PTPRG: variants seen among roughly 807,000 people sequenced by gnomAD.
PTPRG encodes the protein protein tyrosine phosphatase receptor type G.
PTPRG carries 102 observed loss-of-function variants against 165.3 expected under a neutral mutation model. The ratio of observed to expected loss-of-function variants is 0.62; its 90% CI spans 0.53 to 0.73. PTPRG has a LOEUF of 0.73. Ranked by LOEUF, PTPRG falls within the 30% of genes least tolerant of loss-of-function variation. The pLI is 0.00. For synonymous variants in PTPRG, 675 were observed against 669.5 expected (o/e 1.01, Z -0.13); for missense variants, 1,866 against 1,861.4 (o/e 1.00, Z -0.05).
intron 1 of PTPRG, 122 bp downstream of exon 1, chr3:61,562,494 C>T (rs1214827174): frequency 1.2e-5 from 10 of 835,348 alleles, no homozygotes; most frequent in South Asian, 1.5e-5. Context: ...GGAGGGTGGC[C>T]CGGCGCCCGG....
rs530298969 is a variant in PTPRG at position 61,784,850 on chromosome 3, T to C, written c.190+35868T>C. Among the ~76,000 whole-genome samples, 11 of 152,324 alleles carry C rather than the reference T, an allele frequency of 7.2e-5. No individual in the cohort carries two copies. The East Asian group carries it at 2.1e-3, about 29-fold the overall frequency. ...TGAAAATTTACCTCTCCGTCTGTAATTTCTGTGGTGTGCTCAAGAACAGCT... is the reference window on the plus strand; with the variant it reads ...TGAAAATTTACCTCTCCGTCTGTAACTTCTGTGGTGTGCTCAAGAACAGCT... On this transcript the variant is annotated intron_variant, in intron 2 of 29. Transcript: ENST00000474889.
At chr3:62,140,562 A>G (rs999436055) in intron 6 of PTPRG, among the ~76,000 whole-genome samples, 1 of 152,092 alleles carries the variant, frequency 6.6e-6, no homozygotes, top group Non-Finnish European at 1.5e-5. Context: ...AGTGGGGAGG[A>G]GGGGCCGGGT....
chr3:61,749,564 T>G (rs1371151304), intron 2 of PTPRG: 1 of 155,628 alleles, frequency 6.4e-6, no homozygotes, highest in Non-Finnish European at 1.4e-5. Flanking sequence ...AATGTTACAT[T>G]GCAAATAATT....
intron 2 of PTPRG, among the ~76,000 whole-genome samples, chr3:61,812,123 G>T (rs773285547): frequency 1.3e-5 from 2 of 152,178 alleles, no homozygotes; most frequent in Admixed American, 1.3e-4. Flanking sequence ...AGGATGAAGA[G>T]ATGCTTGTAC....
At chr3:62,220,465 T>C (rs1408075497) in intron 13 of PTPRG, among the ~76,000 whole-genome samples, 1 of 152,106 alleles carries the variant, frequency 6.6e-6, no homozygotes, top group Non-Finnish European at 1.5e-5. Context: ...TCATTGTGTA[T>C]AGATCTATTT....
chr3:61,641,755 T>G (rs1702068275), intron 1 of PTPRG, among the ~76,000 whole-genome samples: 1 of 152,022 alleles, frequency 6.6e-6, no homozygotes, highest in African/African-American at 2.4e-5. Flanking sequence ...TTGGAAGGAG[T>G]GGGCCCAAAT....
rs56828286 is a variant in PTPRG, at chr3:62,077,997, C to CAAA, written c.520-149_520-147dup. Among the ~76,000 whole-genome samples, 62 of 94,360 alleles carry CAAA rather than the reference C, an allele frequency of 6.6e-4. 1 individual carries two copies. The highest frequency in any genetic ancestry group is 9.2e-4 in the African/African-American group (26 of 28,360). 61.9% of individuals were successfully genotyped at this position (94,360 alleles called of 152,430 possible). On this transcript the variant is annotated intron_variant, in intron 4 of 29. Transcript: ENST00000474889. The stretch of plus-strand genomic sequence containing the variant: ...TGGGCAACAGAGCGAGACCTTATCT[C>CAAA]AAAAAAAAAAAAAAAAAAAGTTAGC...
intron 7 of PTPRG, among the ~76,000 whole-genome samples, chr3:62,161,383 A>C (rs1704755036): frequency 6.6e-6 from 1 of 152,208 alleles, no homozygotes; most frequent in African/African-American, 2.4e-5. Context: ...TAGTAGTATA[A>C]TTTATTTAAT....
intron 4 of PTPRG, among the ~76,000 whole-genome samples, chr3:62,058,485 C>T (rs76797683): frequency 0.024 from 3,595 of 152,082 alleles, 121 homozygotes; most frequent in African/African-American, 0.083. Flanking sequence ...ATTTTAAGTG[C>T]GTCAGTCCTT....
At chr3:61,650,023 G>C (rs1431513163) in intron 1 of PTPRG, among the ~76,000 whole-genome samples, 1 of 152,100 alleles carries the variant, frequency 6.6e-6, no homozygotes, top group African/African-American at 2.4e-5. Context: ...AATAAGGGGA[G>C]TCTCTGGTTT....
At chr3:61,736,058 C>A (rs1243042304) in intron 1 of PTPRG, among the ~76,000 whole-genome samples, 1 of 151,986 alleles carries the variant, frequency 6.6e-6, no homozygotes, top group Non-Finnish European at 1.5e-5. Flanking sequence ...CAGGCGCAGG[C>A]CACCATGCCT....
At chr3:61,774,168 T>A (rs2034299860) in intron 2 of PTPRG, among the ~76,000 whole-genome samples, 1 of 152,134 alleles carries the variant, frequency 6.6e-6, no homozygotes, top group African/African-American at 2.4e-5. Flanking sequence ...AGCATGACAT[T>A]GAAGAAAGAT....
At chr3:61,949,790 C>G (rs1475321358) in intron 2 of PTPRG, among the ~76,000 whole-genome samples, 2 of 151,954 alleles carry the variant, frequency 1.3e-5, no homozygotes, top group Non-Finnish European at 1.5e-5. Flanking sequence ...CTCTGTCACC[C>G]AGGCTGGAGT....
In PTPRG at chr3:62,243,913, G is replaced by T; in HGVS notation, c.2467+15G>T. ...TCCTATTCCGGGTAAGTAAGACACTGCTCTTATTTCCAATGGGCTAATTGT... is the reference window on the plus strand; with the variant it reads ...TCCTATTCCGGGTAAGTAAGACACTTCTCTTATTTCCAATGGGCTAATTGT... On this transcript the variant is annotated intron_variant, in intron 15 of 29. Coordinates refer to ENST00000474889, the MANE Select transcript of PTPRG (RefSeq NM_002841.4). The T allele has an allele frequency of 7.3e-7, 1 of 1,377,870 alleles. No individual in the cohort carries two copies. Among genetic ancestry groups the T allele is most frequent in the Non-Finnish European group, 1.0e-6 (1 of 977,750 alleles). The allele number at this position is 1,377,870 out of a possible 1,614,324, so 85.4% of individuals were successfully genotyped here. A position where few individuals can be genotyped will look rare whatever the true frequency, so the allele number is the denominator to read the frequency against.
At chr3:62,244,714 T>C (rs1701252087) in intron 15 of PTPRG, among the ~76,000 whole-genome samples, 1 of 152,218 alleles carries the variant, frequency 6.6e-6, no homozygotes, top group African/African-American at 2.4e-5. Flanking sequence ...CACCAGCTAA[T>C]GTGCTATTTA....
chr3:62,231,747 T>G (rs1346034451), intron 14 of PTPRG, among the ~76,000 whole-genome samples: 1 of 152,010 alleles, frequency 6.6e-6, no homozygotes, highest in East Asian at 1.9e-4. Flanking sequence ...AAGTTAGGGA[T>G]GAAGAGTAGG....
intron 2 of PTPRG, among the ~76,000 whole-genome samples, chr3:61,884,278 T>G (rs2037968753): frequency 6.6e-6 from 1 of 152,202 alleles, no homozygotes; most frequent in African/African-American, 2.4e-5. Context: ...TGGGTTAAAG[T>G]TAGTGTGCTT....
At chr3:61,631,552 C>G (rs1400954635) in intron 1 of PTPRG, among the ~76,000 whole-genome samples, 3 of 152,164 alleles carry the variant, frequency 2.0e-5, no homozygotes, top group African/African-American at 7.2e-5. Context: ...CAGCTCCATC[C>G]ATGGTTTCAG....
At chr3:62,003,612 CCT>C in intron 4 of PTPRG, 115 bp downstream of exon 4, 1 of 1,326,040 alleles carries the variant, frequency 7.5e-7, no homozygotes, top group Non-Finnish European at 1.0e-6. Flanking sequence ...TACCTAACTT[CCT>C]CTCTCTGGAA....
Sources: allele counts gnomAD v4.1 joint callset (sites outside exome capture counted in the v4.1 genomes callset), GRCh38; gene constraint gnomAD v4.1.1; transcripts MANE v1.5; gene names NCBI Gene and HGNC (gene_info 2026-07-23, HGNC 2026-07-21).